Variants in AGMO observed in about 807,000 individuals in gnomAD.
AGMO encodes alkylglycerol monooxygenase, also known as glyceryl-ether monooxygenase.
AGMO carries 75 observed loss-of-function variants against 60.2 expected under a neutral mutation model. That is an observed-to-expected ratio of 1.25 (90% confidence interval 1.03 to 1.51). The LOEUF is 1.51. Among genes scored for constraint, AGMO ranks in the 40% most tolerant of loss-of-function variants. The pLI, the probability that AGMO is intolerant of heterozygous loss-of-function variation, is 0.00. For synonymous variants in AGMO, 261 were observed against 177.1 expected (o/e 1.47, Z -3.76); for missense variants, 763 against 525.5 (o/e 1.45, Z -4.42).
chr7:15,299,974 A>T (rs1784522435), intron 12 of AGMO, among the ~76,000 whole-genome samples: 1 of 152,086 alleles, frequency 6.6e-6, no homozygotes, highest in Non-Finnish European at 1.5e-5. Flanking sequence ...ATAGTTACAG[A>T]GGGAAGAAAG....
At position 15,560,270 on chromosome 7, in the gene AGMO, G is replaced by T. The variant is rs1286930315; in HGVS notation, c.128C>A (p.Ala43Glu). Residue 43 changes from alanine to glutamate, a missense_variant and splice_region_variant, in exon 2 of 13, where the codon GCA becomes GAA. Coordinates refer to ENST00000342526, the MANE Select transcript of AGMO (RefSeq NM_001004320.2). ...LEEVPDYVKKATPFFISLMLL... is the reference protein window; with the variant it reads ...LEEVPDYVKKETPFFISLMLL... Reference sequence around the variant, plus strand: ...CATCAAAGAAATGAAAAATGGAGTTGCCTGGAAAGGAAGTTGCAGAAAAGA... The same window carrying T: ...CATCAAAGAAATGAAAAATGGAGTTTCCTGGAAAGGAAGTTGCAGAAAAGA... 4 of 1,611,024 alleles carry T rather than the reference G, an allele frequency of 2.5e-6. No homozygotes were observed. The highest frequency in any genetic ancestry group is 2.5e-6 in the Non-Finnish European group (3 of 1,178,060).
At position 15,357,511 on chromosome 7, in the gene AGMO, A is replaced by T. The variant is rs533220294; in HGVS notation, c.1263+8003T>A. 4.6e-5 allele frequency among the ~76,000 whole-genome samples: 7 copies of T among 152,262 alleles called. No individual in the cohort carries two copies. In the South Asian group the frequency reaches 1.5e-3, roughly 32 times the overall value. ...ATCTTACTGCTCTTCAAATCAAAAG[A>T]GTTTATTTCCCCACCCTTTGATTTT... is the stretch of plus-strand genomic sequence containing the variant. On this transcript the variant is annotated intron_variant, in intron 12 of 12. Transcript: ENST00000342526.
At chr7:15,279,399 T>G (rs1200300611) in intron 12 of AGMO, among the ~76,000 whole-genome samples, 1 of 152,200 alleles carries the variant, frequency 6.6e-6, no homozygotes, top group Non-Finnish European at 1.5e-5. Flanking sequence ...CTATTTTGAT[T>G]CCTCTCCATG....
Position 15,476,862 on chromosome 7 carries a change from A to G in AGMO, c.410-45754T>C, listed in dbSNP as rs76650509. The stretch of plus-strand genomic sequence containing the variant: ...TGAGGCTAATTTTATTATTTTATGG[A>G]TGAGGAAATGGAGAAACAGAGATGG... On this transcript the variant is annotated intron_variant, in intron 3 of 12. Transcript: ENST00000342526. Among the ~76,000 whole-genome samples the G allele has an allele frequency of 3.7e-4, 56 of 152,218 alleles. 1 individual carries two copies. In the East Asian group the frequency reaches 4.1e-3, roughly 11 times the overall value.
intron 3 of AGMO, among the ~76,000 whole-genome samples, chr7:15,486,200 A>G (rs1181073250): frequency 2.0e-5 from 3 of 152,126 alleles, no homozygotes; most frequent in Non-Finnish European, 4.4e-5. Flanking sequence ...ATTAGTGTTC[A>G]GTATCTAGCT....
At chr7:15,311,308 G>C (rs1215771400) in intron 12 of AGMO, among the ~76,000 whole-genome samples, 3 of 152,076 alleles carry the variant, frequency 2.0e-5, no homozygotes, top group African/African-American at 4.8e-5. Context: ...CTCTAGTAGA[G>C]GTGACATTTT....
At chr7:15,375,666 G>C (rs1015493228) in intron 10 of AGMO, among the ~76,000 whole-genome samples, 1 of 152,090 alleles carries the variant, frequency 6.6e-6, no homozygotes, top group Non-Finnish European at 1.5e-5. Flanking sequence ...TAAAGTGCTG[G>C]ATTACAGGCG....
chr7:15,355,951 GA>G (rs1402190027), intron 12 of AGMO, among the ~76,000 whole-genome samples: 2 of 144,442 alleles, frequency 1.4e-5, no homozygotes, highest in African/African-American at 5.4e-5. Flanking sequence ...CACAGAAAAG[GA>G]AACACAAATT....
chr7:15,225,682 T>A (rs1447295656), intron 12 of AGMO, among the ~76,000 whole-genome samples: 1 of 151,950 alleles, frequency 6.6e-6, no homozygotes, highest in Non-Finnish European at 1.5e-5. Flanking sequence ...TTATGATTGT[T>A]ACTCATGGCA....
chr7:15,544,377 T>C lies in AGMO; in HGVS notation c.409+395A>G, dbSNP rs964173730. Among the ~76,000 whole-genome samples the C allele has an allele frequency of 5.9e-5, 9 of 152,116 alleles. No homozygotes were observed. In the South Asian group the frequency reaches 1.5e-3, roughly 25 times the overall value. On this transcript the variant is annotated intron_variant, in intron 3 of 12. Coordinates refer to ENST00000342526, the MANE Select transcript of AGMO (RefSeq NM_001004320.2). The stretch of plus-strand genomic sequence containing the variant: ...CCCAAAAACCTATTGCAATAAAAAA[T>C]TAAACACAAACAAAAAAACCTTTTA...
At chr7:15,334,712 A>C (rs1272817930) in intron 12 of AGMO, among the ~76,000 whole-genome samples, 3 of 152,192 alleles carry the variant, frequency 2.0e-5, no homozygotes, top group African/African-American at 7.2e-5. Context: ...TTGCTAAGTT[A>C]CATGCAATGT....
chr7:15,239,451 G>A (rs1412188780), intron 12 of AGMO, among the ~76,000 whole-genome samples: 1 of 151,970 alleles, frequency 6.6e-6, no homozygotes, highest in East Asian at 1.9e-4. Flanking sequence ...AGAAAACAAT[G>A]GAATAATTAA....
At chr7:15,309,197 G>C (rs1299362292) in intron 12 of AGMO, among the ~76,000 whole-genome samples, 2 of 152,082 alleles carry the variant, frequency 1.3e-5, no homozygotes, top group Non-Finnish European at 2.9e-5. Context: ...CATCTTAATT[G>C]CAACTACAGG....
downstream of AGMO, among the ~76,000 whole-genome samples, chr7:15,196,037 T>A (rs1386210911): frequency 6.6e-6 from 1 of 151,228 alleles, no homozygotes; most frequent in Non-Finnish European, 1.5e-5. Flanking sequence ...TTCCCCCTCC[T>A]CTCCCCTCCC....
the AGMO span, among the ~76,000 whole-genome samples, chr7:15,179,668 T>C: frequency 2.7e-4 from 41 of 152,202 alleles, no homozygotes; most frequent in African/African-American, 9.4e-4. Flanking sequence ...AAAACCCTAC[T>C]CTCATGACTC....
intron 10 of AGMO, among the ~76,000 whole-genome samples, chr7:15,376,780 T>G (rs1783472246): frequency 6.6e-6 from 1 of 152,066 alleles, no homozygotes; most frequent in South Asian, 2.1e-4. Context: ...CACTGGCAGC[T>G]GAGGAATTGA....
At chr7:15,554,619 C>G (rs1420193607) in intron 2 of AGMO, among the ~76,000 whole-genome samples, 1 of 151,996 alleles carries the variant, frequency 6.6e-6, no homozygotes, top group Non-Finnish European at 1.5e-5. Context: ...GTGTGTTTTA[C>G]CTAATATTTT....
Position 15,218,943 on chromosome 7 carries a change from T to C in AGMO, c.1264-17584A>G, listed in dbSNP as rs545927235. Among the ~76,000 whole-genome samples the C allele has an allele frequency of 4.6e-5, 7 of 152,248 alleles. No homozygotes were observed. In the East Asian group the frequency reaches 1.4e-3, roughly 29 times the overall value. ...ATAAGGTGAATCTTATTCAATGACTTTGAAGGATAATGCCATAATAAAAGT... is the reference window on the plus strand; with the variant it reads ...ATAAGGTGAATCTTATTCAATGACTCTGAAGGATAATGCCATAATAAAAGT... On this transcript the variant is annotated intron_variant, in intron 12 of 12. Coordinates refer to ENST00000342526, the MANE Select transcript of AGMO (RefSeq NM_001004320.2).
chr7:15,135,596 T>C, the AGMO span, among the ~76,000 whole-genome samples: 1 of 152,194 alleles, frequency 6.6e-6, no homozygotes, highest in East Asian at 1.9e-4. Flanking sequence ...TATTCATTAA[T>C]ATAGTAGTAT....
Sources: gnomAD v4.1 joint callset for allele counts (sites outside exome capture counted in the v4.1 genomes callset) on GRCh38, gnomAD v4.1.1 for gene constraint, MANE v1.5 for transcripts, NCBI Gene and HGNC (gene_info 2026-07-23, HGNC 2026-07-21) for gene names.